The following ARSG variants were observed in gnomAD, a reference collection of about 807,000 sequenced individuals.
The protein encoded by ARSG is arylsulfatase G, also known as ASG.
In ARSG, 37 loss-of-function variants were observed where a neutral mutation model predicts 50.5. That is an observed-to-expected ratio of 0.73 (90% confidence interval 0.56 to 0.96). ARSG has a LOEUF of 0.96. Among genes scored for constraint, ARSG ranks in the 50% least tolerant of loss-of-function variants. ARSG has a pLI of 0.00. For missense variants in ARSG, 629 were observed against 675.3 expected, an observed-to-expected ratio of 0.93 and a Z score of 0.76; for synonymous variants, 225 against 254.6, an observed-to-expected ratio of 0.88 and a Z score of 1.11.
chr17:68,329,632 G>T, intron 2 of ARSG, among the ~76,000 whole-genome samples: 1 of 152,098 alleles, frequency 6.6e-6, no homozygotes, highest in East Asian at 1.9e-4. Flanking sequence ...TGTGATGGAG[G>T]GCCTGTAGAC....
At chr17:68,426,138 A>T (rs779196467), downstream of ARSG, 3 of 1,611,624 alleles carry the variant, frequency 1.9e-6, no homozygotes, top group South Asian at 3.3e-5. Flanking sequence ...GTTCAGGAAT[A>T]ACTTCTCCTC....
chr17:68,305,940 G>A (rs532204185), intron 1 of ARSG, among the ~76,000 whole-genome samples: 1 of 152,146 alleles, frequency 6.6e-6, no homozygotes, highest in African/African-American at 2.4e-5. Flanking sequence ...GCTGGGGTGT[G>A]TTGGTGGGCA....
intron 1 of ARSG, among the ~76,000 whole-genome samples, chr17:68,298,674 C>G (rs958173099): frequency 6.7e-6 from 1 of 149,028 alleles, no homozygotes; most frequent in Admixed American, 6.7e-5. Flanking sequence ...GCCCAAACAA[C>G]AGAAATTTAT....
chr17:68,274,092 A>G (rs1206133488), intron 1 of ARSG: 1 of 1,606,444 alleles, frequency 6.2e-7, no homozygotes, highest in Non-Finnish European at 8.5e-7. Context: ...GAACAAAACG[A>G]TATTTTAACT....
chr17:68,278,389 AC>A (rs1730831943), intron 1 of ARSG: 4 of 1,023,614 alleles, frequency 3.9e-6, no homozygotes, highest in Non-Finnish European at 6.0e-6. Context: ...TGATTCTCAT[AC>A]TCTTAAGCAA....
intron 8 of ARSG, among the ~76,000 whole-genome samples, chr17:68,373,385 A>G (rs1403445217): frequency 6.8e-6 from 1 of 147,706 alleles, no homozygotes; most frequent in Non-Finnish European, 1.5e-5. Flanking sequence ...ACCCACCACC[A>G]CACCTGGCTG....
chr17:68,444,592 G>A, the ARSG span: 1 of 1,611,792 alleles, frequency 6.2e-7, no homozygotes, highest in African/African-American at 1.3e-5. Flanking sequence ...AGCAGCCTCT[G>A]TAATCACACA....
intron 1 of ARSG, chr17:68,269,407 G>GC: frequency 1.7e-6 from 2 of 1,211,120 alleles, no homozygotes; most frequent in Non-Finnish European, 2.3e-6. Flanking sequence ...CCTCACCCAG[G>GC]CGACCATCCC....
At chr17:68,428,927 C>T in the ARSG span, 1 of 1,613,676 alleles carries the variant, frequency 6.2e-7, no homozygotes, top group Non-Finnish European at 8.5e-7. Context: ...GCCGTGGCAA[C>T]TTCTGGATCC....
intron 11 of ARSG, 24 bp downstream of exon 11, chr17:68,401,474 T>C: frequency 6.2e-7 from 1 of 1,607,786 alleles, no homozygotes; most frequent in Non-Finnish European, 8.5e-7. Flanking sequence ...CACTTAGCCC[T>C]GCCTCCCACA....
At chr17:68,276,936 G>A (rs2075542817) in intron 1 of ARSG, among the ~76,000 whole-genome samples, 1 of 152,152 alleles carries the variant, frequency 6.6e-6, no homozygotes, top group South Asian at 2.1e-4. Context: ...ATGCGATTGG[G>A]TCTGGGAGTA....
At chr17:68,313,637 T>C (rs2076950308) in intron 2 of ARSG, among the ~76,000 whole-genome samples, 1 of 151,736 alleles carries the variant, frequency 6.6e-6, no homozygotes, top group Non-Finnish European at 1.5e-5. Flanking sequence ...AGGGGAACGC[T>C]GTTCAGTCTG....
intron 1 of ARSG, among the ~76,000 whole-genome samples, chr17:68,263,805 C>T (rs1480859781): frequency 6.6e-6 from 1 of 152,106 alleles, no homozygotes; most frequent in African/African-American, 2.4e-5. Context: ...TATTGGTGAG[C>T]CCCATATTTG....
the ARSG span, among the ~76,000 whole-genome samples, chr17:68,431,782 G>GGCCCAAGAGAGCCAT: frequency 1.3e-5 from 2 of 152,202 alleles, no homozygotes; most frequent in South Asian, 2.1e-4. Context: ...GTTGAGCGGA[G>GGCCCAAGAGAGCCAT]AACCCAGAAC....
intron 6 of ARSG, among the ~76,000 whole-genome samples, chr17:68,365,964 G>C (rs866218162): frequency 6.6e-6 from 1 of 151,958 alleles, no homozygotes; most frequent in African/African-American, 2.4e-5. Context: ...TTGAGACAGA[G>C]TCTCGCTCTG....
intron 1 of ARSG, among the ~76,000 whole-genome samples, chr17:68,273,496 C>T (rs1425151935): frequency 6.6e-6 from 1 of 152,146 alleles, no homozygotes; most frequent in African/African-American, 2.4e-5. Context: ...GCTGGGATTA[C>T]AGGCATGAGC....
chr17:68,431,762 C>CGTGGG, the ARSG span, among the ~76,000 whole-genome samples: 1 of 152,302 alleles, frequency 6.6e-6, no homozygotes, highest in Non-Finnish European at 1.5e-5. Context: ...ATATGAACAC[C>CGTGGG]CGTGGACAGG....
Position 68,308,086 on chromosome 17 carries a change from C to T in ARSG, c.218+375C>T, listed in dbSNP as rs546376190. 4.3e-4 allele frequency among the ~76,000 whole-genome samples: 66 copies of T among 152,212 alleles called. No individual in the cohort carries two copies. In the South Asian group the frequency reaches 0.012, roughly 29 times the overall value. On this transcript the variant is annotated intron_variant, in intron 2 of 11. Coordinates refer to ENST00000621439, the MANE Select transcript of ARSG (RefSeq NM_001267727.2). ...TGGGAGACTCAGGTGGGAGGTTCAC[C>T]TGAGCCCATGATTTTGGGACCAGCT...
intron 5 of ARSG, 35 bp downstream of exon 5, chr17:68,351,721 G>A (rs767617305): frequency 2.5e-5 from 35 of 1,424,642 alleles, no homozygotes; most frequent in Admixed American, 1.3e-4. Context: ...ATAGGCTCCA[G>A]GACAAGGCAA....
Sources: allele counts gnomAD v4.1 joint callset (sites outside exome capture counted in the v4.1 genomes callset), GRCh38; gene constraint gnomAD v4.1.1; transcripts MANE v1.5; gene names NCBI Gene and HGNC (gene_info 2026-07-23, HGNC 2026-07-21).